PLCB1: variants seen among roughly 807,000 people sequenced by gnomAD.
The protein encoded by PLCB1 is phospholipase C beta 1.
Under a neutral mutation model 161.8 loss-of-function variants are expected in PLCB1, and 46 were observed. The ratio of observed to expected loss-of-function variants is 0.28; its 90% confidence interval spans 0.22 to 0.36. The LOEUF (loss-of-function observed/expected upper bound fraction) is 0.36. PLCB1 is among the 10% of genes least tolerant of loss of function. The pLI is 1.00. For missense variants in PLCB1, 1,016 were observed against 1,472.5 expected, an observed-to-expected ratio of 0.69 and a Z score of 5.07; for synonymous variants, 517 against 503.7, an observed-to-expected ratio of 1.03 and a Z score of -0.35.
rs185707892 is a variant in PLCB1 at position 8,276,245 on chromosome 20, C to A, written c.178-95137C>A. On this transcript the variant is annotated intron_variant, in intron 2 of 31. Transcript: ENST00000338037. ...AGATAAAATTGTATCAGATCAACAT[C>A]TCCAGTTAAAAAGCTAGTTTTCCAT... Among the ~76,000 whole-genome samples, 4 of 152,312 alleles carry A rather than the reference C, an allele frequency of 2.6e-5. No homozygotes were observed. The East Asian group carries it at 7.7e-4, about 29-fold the overall frequency.
intron 10 of PLCB1, among the ~76,000 whole-genome samples, chr20:8,688,070 A>G (rs1990397706): frequency 2.0e-5 from 3 of 151,990 alleles, no homozygotes; most frequent in Admixed American, 2.0e-4. Flanking sequence ...TTTGATTTGC[A>G]TTTCCCTGAT....
intron 2 of PLCB1, among the ~76,000 whole-genome samples, chr20:8,221,055 C>T (rs149892230): frequency 2.6e-4 from 40 of 152,254 alleles, no homozygotes; most frequent in African/African-American, 9.4e-4. Context: ...TGATGATAGC[C>T]ATATCCAGTC....
intron 7 of PLCB1, chr20:8,652,501 A>C (rs1989347862): frequency 6.6e-6 from 1 of 152,144 alleles, no homozygotes; most frequent in African/African-American, 2.4e-5. Context: ...TTCCTACATA[A>C]CAATGACTCT....
At chr20:8,313,726 A>G (rs1408891653) in intron 2 of PLCB1, among the ~76,000 whole-genome samples, 2 of 152,124 alleles carry the variant, frequency 1.3e-5, no homozygotes, top group Non-Finnish European at 2.9e-5. Flanking sequence ...TCTTGCTCCT[A>G]CTCACTGACC....
At chr20:8,323,701 A>G (rs1372718529) in intron 2 of PLCB1, among the ~76,000 whole-genome samples, 1 of 152,152 alleles carries the variant, frequency 6.6e-6, no homozygotes, top group East Asian at 1.9e-4. Flanking sequence ...CCTATATTCA[A>G]GGAAGGGGCA....
At chr20:8,872,594 G>A (rs1203583558) in intron 31 of PLCB1, among the ~76,000 whole-genome samples, 2 of 152,116 alleles carry the variant, frequency 1.3e-5, no homozygotes, top group African/African-American at 4.8e-5. Flanking sequence ...GGACTCAGTG[G>A]GCTTTATCAG....
intron 2 of PLCB1, among the ~76,000 whole-genome samples, chr20:8,184,939 CT>C (rs2051886315): frequency 6.6e-6 from 1 of 151,924 alleles, no homozygotes; most frequent in Non-Finnish European, 1.5e-5. Context: ...TATCCCTCCC[CT>C]AGCCCCCCAC....
chr20:8,668,887 A>G (rs574289075), intron 9 of PLCB1, among the ~76,000 whole-genome samples: 5 of 152,300 alleles, frequency 3.3e-5, no homozygotes, highest in African/African-American at 1.2e-4. Flanking sequence ...CTTTAACAAG[A>G]ATCTCCAGCA....
rs1037660275 is a variant in PLCB1, at chr20:8,423,424, G to A, written c.246+51974G>A. Among the ~76,000 whole-genome samples the A allele has an allele frequency of 3.3e-5, 5 of 152,230 alleles. No homozygotes were observed. The South Asian group carries it at 6.2e-4, about 19-fold the overall frequency. On this transcript the variant is annotated intron_variant, in intron 3 of 31. Transcript: ENST00000338037. ...GCCTATCCTGTGTGCTGAGTGGTAC[G>A]TAAACAGCTTACTGGGGATGAGGTA...
intron 2 of PLCB1, among the ~76,000 whole-genome samples, chr20:8,311,057 T>A (rs1984377511): frequency 6.6e-6 from 1 of 152,232 alleles, no homozygotes; most frequent in South Asian, 2.1e-4. Flanking sequence ...TTCTACAGCT[T>A]CACCAACATC....
chr20:8,833,753 T>C (rs1986125780), intron 31 of PLCB1, among the ~76,000 whole-genome samples: 1 of 152,210 alleles, frequency 6.6e-6, no homozygotes, highest in African/African-American at 2.4e-5. Context: ...GCCACTCAAT[T>C]TTTGGTAAGT....
At chr20:8,843,812 T>TA (rs1376787905) in intron 31 of PLCB1, among the ~76,000 whole-genome samples, 3 of 152,204 alleles carry the variant, frequency 2.0e-5, no homozygotes, top group African/African-American at 7.2e-5. Context: ...ACTCTGATCT[T>TA]AAGTTTGGAT....
chr20:8,781,696 G>T (rs967822046), intron 27 of PLCB1, among the ~76,000 whole-genome samples: 3 of 152,162 alleles, frequency 2.0e-5, no homozygotes, highest in Non-Finnish European at 2.9e-5. Context: ...TGAACTCATA[G>T]TTTCACATGG....
At chr20:8,149,763 T>G (rs2051490743) in intron 1 of PLCB1, among the ~76,000 whole-genome samples, 1 of 152,180 alleles carries the variant, frequency 6.6e-6, no homozygotes, top group Admixed American at 6.5e-5. Flanking sequence ...ACCTATGATG[T>G]TTTATTTTAG....
In PLCB1 at chr20:8,883,706, A is replaced by G. The variant is rs1988075816; in HGVS notation, c.*1857A>G. ...GAAACAGTGTTTGATTAAAAAAAAC[A>G]CATCTAGTAAGACGTAAGGGGAAAA... On this transcript the variant is annotated 3_prime_UTR_variant, in exon 32 of 32. Coordinates refer to ENST00000338037, the MANE Select transcript of PLCB1 (RefSeq NM_015192.4). 1 of 152,512 alleles carries G rather than the reference A, an allele frequency of 6.6e-6. No individual in the cohort carries two copies. Among genetic ancestry groups the G allele is most frequent in the South Asian group, 2.1e-4 (1 of 4,826 alleles). 9.4% of individuals were successfully genotyped at this position (152,512 alleles called of 1,614,324 possible).
At chr20:8,708,192 T>C (rs957396363) in intron 11 of PLCB1, among the ~76,000 whole-genome samples, 2 of 152,146 alleles carry the variant, frequency 1.3e-5, no homozygotes, top group Admixed American at 1.3e-4. Context: ...AAAAGTCACA[T>C]CTCAATAACA....
intron 31 of PLCB1, chr20:8,831,200 C>A: frequency 6.4e-6 from 1 of 155,042 alleles, no homozygotes; most frequent in Non-Finnish European, 1.4e-5. Context: ...TGTGGATACA[C>A]CCAGGAGGTC....
At chr20:8,364,674 A>G (rs1452081954) in intron 2 of PLCB1, among the ~76,000 whole-genome samples, 1 of 152,232 alleles carries the variant, frequency 6.6e-6, no homozygotes, top group Non-Finnish European at 1.5e-5. Context: ...ACTTTATGTC[A>G]AACACTATAC....
intron 2 of PLCB1, among the ~76,000 whole-genome samples, chr20:8,365,429 A>G (rs1292485103): frequency 6.6e-6 from 1 of 152,166 alleles, no homozygotes; most frequent in African/African-American, 2.4e-5. Context: ...GTGGGTCTCC[A>G]CTGAAAGTTG....
Sources: allele counts gnomAD v4.1 joint callset (sites outside exome capture counted in the v4.1 genomes callset), GRCh38; gene constraint gnomAD v4.1.1; transcripts MANE v1.5; gene names NCBI Gene and HGNC (gene_info 2026-07-23, HGNC 2026-07-21).